Variants in CCDC6 observed in about 807,000 individuals in gnomAD.
CCDC6 encodes the protein coiled-coil domain-containing protein 6.
In CCDC6, 20 loss-of-function variants were observed where a neutral mutation model predicts 56.6. The observed-to-expected ratio is 0.35, with a 90% CI of 0.25 to 0.51. The LOEUF is 0.51. Among genes scored for constraint, CCDC6 ranks in the 20% least tolerant of loss-of-function variants. The pLI, the probability that CCDC6 is intolerant of heterozygous loss-of-function variation, is 0.95. For synonymous variants in CCDC6, 241 were observed against 234.4 expected (o/e 1.03, Z -0.26); for missense variants, 367 against 601.1 (o/e 0.61, Z 4.07).
chr10:59,896,321 T>C lies in CCDC6; in HGVS notation c.303+9801A>G, dbSNP rs544056129. On this transcript the variant is annotated intron_variant, in intron 1 of 8. Coordinates refer to ENST00000263102, the MANE Select transcript of CCDC6 (RefSeq NM_005436.5). ...ATATGGGGGGATGACCCTTCCCTCC[T>C]GGAGGACAAGCTCTTGCCATGGGTT... is the stretch of plus-strand genomic sequence containing the variant. Among the ~76,000 whole-genome samples, 9 of 152,334 alleles carry C rather than the reference T, an allele frequency of 5.9e-5. No homozygotes were observed. In the East Asian group the frequency reaches 1.5e-3, roughly 26 times the overall value.
At chr10:59,805,217 T>C (rs1400535322) in intron 6 of CCDC6, 4 of 152,318 alleles carry the variant, frequency 2.6e-5, no homozygotes, top group Non-Finnish European at 5.9e-5. Context: ...AATTGCTGCT[T>C]GAGAGACTTC....
chr10:59,818,857 T>C (rs2070730022), intron 3 of CCDC6, among the ~76,000 whole-genome samples: 1 of 152,214 alleles, frequency 6.6e-6, no homozygotes, highest in South Asian at 2.1e-4. Context: ...TGAAAATCAA[T>C]GATGCAGTAT....
chr10:59,820,233 T>C (rs1331306716), intron 3 of CCDC6, among the ~76,000 whole-genome samples: 1 of 152,192 alleles, frequency 6.6e-6, no homozygotes, highest in East Asian at 1.9e-4. Context: ...AGGACTACGA[T>C]GCTGGGGTGG....
chr10:59,815,888 A>T (rs2070706592), intron 3 of CCDC6, among the ~76,000 whole-genome samples: 1 of 152,232 alleles, frequency 6.6e-6, no homozygotes, highest in South Asian at 2.1e-4. Context: ...GGCAGAACCA[A>T]AAACATGAAT....
intron 1 of CCDC6, among the ~76,000 whole-genome samples, chr10:59,872,954 A>C (rs1368041185): frequency 6.6e-6 from 1 of 152,216 alleles, no homozygotes; most frequent in African/African-American, 2.4e-5. Context: ...ACCGAAAGCT[A>C]CATTTGGCAA....
chr10:59,800,403 T>A (rs969208792), intron 7 of CCDC6, among the ~76,000 whole-genome samples: 9 of 152,234 alleles, frequency 5.9e-5, no homozygotes, highest in African/African-American at 2.2e-4. Context: ...TATCATATAG[T>A]AGGTAACCCT....
At chr10:59,812,260 T>C (rs2070680295) in intron 5 of CCDC6, among the ~76,000 whole-genome samples, 1 of 152,152 alleles carries the variant, frequency 6.6e-6, no homozygotes, top group South Asian at 2.1e-4. Context: ...AATGTAGTAG[T>C]AAGGAAGGTA....
intron 2 of CCDC6, among the ~76,000 whole-genome samples, chr10:59,835,959 G>T (rs2070878768): frequency 6.6e-6 from 1 of 150,998 alleles, no homozygotes; most frequent in African/African-American, 2.5e-5. Flanking sequence ...GGAGACTGAG[G>T]TGAGAGGACT....
intron 2 of CCDC6, among the ~76,000 whole-genome samples, chr10:59,839,617 A>T (rs553203290): frequency 5.5e-4 from 83 of 151,802 alleles, no homozygotes; most frequent in African/African-American, 1.9e-3. Flanking sequence ...ACTTCCTTAC[A>T]TTTTTCCTAA....
intron 2 of CCDC6, among the ~76,000 whole-genome samples, chr10:59,833,856 T>C (rs1400555630): frequency 3.3e-5 from 5 of 152,192 alleles, no homozygotes; most frequent in Non-Finnish European, 5.9e-5. Flanking sequence ...GCATGGTCAC[T>C]TCCATTTTAT....
At chr10:59,881,871 C>T (rs1324567373) in intron 1 of CCDC6, among the ~76,000 whole-genome samples, 2 of 152,128 alleles carry the variant, frequency 1.3e-5, no homozygotes, top group Non-Finnish European at 2.9e-5. Context: ...CGTTCCTGTC[C>T]CTGGGAGGGG....
chr10:59,833,572 A>G (rs2070851357), intron 2 of CCDC6, among the ~76,000 whole-genome samples: 1 of 135,720 alleles, frequency 7.4e-6, no homozygotes, highest in Non-Finnish European at 1.5e-5. Context: ...AAAGAAATCC[A>G]GTGGACCCAT....
chr10:59,793,719 T>C (rs2070487884), intron 8 of CCDC6, among the ~76,000 whole-genome samples: 1 of 150,634 alleles, frequency 6.6e-6, no homozygotes, highest in Non-Finnish European at 1.5e-5. Context: ...CGGAGGCGGA[T>C]GTTGCAGTGA....
rs557970454 is a variant in CCDC6 at position 59,879,122 on chromosome 10, C to T, written c.304-26420G>A. On this transcript the variant is annotated intron_variant, in intron 1 of 8. Coordinates refer to ENST00000263102, the MANE Select transcript of CCDC6 (RefSeq NM_005436.5). ...AGGAGTGAAGGGTCAAGTGTGATTACGCAATTGCCAAAGGTCCACATGACT... is the reference window on the plus strand; with the variant it reads ...AGGAGTGAAGGGTCAAGTGTGATTATGCAATTGCCAAAGGTCCACATGACT... 1.2e-4 allele frequency among the ~76,000 whole-genome samples: 19 copies of T among 152,218 alleles called. No homozygotes were observed. In the South Asian group the frequency reaches 1.7e-3, roughly 13 times the overall value.
At chr10:59,899,880 T>G (rs2071492276) in intron 1 of CCDC6, among the ~76,000 whole-genome samples, 1 of 152,216 alleles carries the variant, frequency 6.6e-6, no homozygotes, top group Non-Finnish European at 1.5e-5. Flanking sequence ...AAGGGCACAC[T>G]GATTGCAATG....
intron 2 of CCDC6, among the ~76,000 whole-genome samples, chr10:59,835,600 C>A (rs2070875705): frequency 6.6e-6 from 1 of 152,096 alleles, no homozygotes; most frequent in African/African-American, 2.4e-5. Flanking sequence ...TAAAGATTCA[C>A]AGTTTTTATC....
At chr10:59,850,564 G>A (rs1037951836) in intron 2 of CCDC6, among the ~76,000 whole-genome samples, 3 of 152,132 alleles carry the variant, frequency 2.0e-5, no homozygotes, top group African/African-American at 4.8e-5. Flanking sequence ...AGACATGCCC[G>A]CGTGAAGGCT....
intron 5 of CCDC6, among the ~76,000 whole-genome samples, chr10:59,808,817 C>T (rs1465259285): frequency 2.0e-5 from 3 of 152,184 alleles, no homozygotes; most frequent in African/African-American, 7.2e-5. Flanking sequence ...CCAATAAAGA[C>T]TTCTGATAAG....
At chr10:59,843,263 T>A (rs2132650857) in intron 2 of CCDC6, among the ~76,000 whole-genome samples, 1 of 152,362 alleles carries the variant, frequency 6.6e-6, no homozygotes. Flanking sequence ...TCATTGTTTA[T>A]GAAGGCTGTT....
Sources: allele counts gnomAD v4.1 joint callset (sites outside exome capture counted in the v4.1 genomes callset), GRCh38; gene constraint gnomAD v4.1.1; transcripts MANE v1.5; gene names NCBI Gene and HGNC (gene_info 2026-07-23, HGNC 2026-07-21).